Variants in LDLRAD4 observed in about 807,000 individuals in gnomAD.
LDLRAD4 encodes the protein low-density lipoprotein receptor class A domain-containing protein 4.
LDLRAD4 carries 5 observed loss-of-function variants against 17.0 expected under a neutral mutation model. The observed-to-expected ratio is 0.29, with a 90% CI of 0.15 to 0.62. The LOEUF (loss-of-function observed/expected upper bound fraction) is 0.62. Among genes scored for constraint, LDLRAD4 ranks in the 20% least tolerant of loss-of-function variants. The pLI is 0.84. For missense variants in LDLRAD4, 340 were observed against 424.7 expected (o/e 0.80, Z 1.75); for synonymous variants, 168 against 171.8 (o/e 0.98, Z 0.17).
At chr18:13,472,229 A>C (rs2092797510) in intron 3 of LDLRAD4, 1 of 152,326 alleles carries the variant, frequency 6.6e-6, no homozygotes, top group East Asian at 1.9e-4. Flanking sequence ...AAGTCCCTGC[A>C]ACCAGATCAG....
At chr18:13,486,416 C>T (rs1185014043) in intron 3 of LDLRAD4, 1 of 152,152 alleles carries the variant, frequency 6.6e-6, no homozygotes, top group African/African-American at 2.4e-5. Context: ...GAAAGGTTAC[C>T]AATGAGTTTT....
At chr18:13,529,772 A>T (rs1056601860) in intron 3 of LDLRAD4, among the ~76,000 whole-genome samples, 2 of 152,214 alleles carry the variant, frequency 1.3e-5, no homozygotes, top group Admixed American at 1.3e-4. Context: ...CAGCGTTCTG[A>T]TGTCCTTAAA....
intron 1 of LDLRAD4, among the ~76,000 whole-genome samples, chr18:13,222,009 C>T (rs2041479453): frequency 6.6e-6 from 1 of 152,222 alleles, no homozygotes; most frequent in African/African-American, 2.4e-5. Flanking sequence ...AACCCACTAA[C>T]ACTCCGGCAG....
intron 3 of LDLRAD4, chr18:13,489,012 TG>T (rs919704722): frequency 6.6e-6 from 1 of 152,064 alleles, no homozygotes; most frequent in Non-Finnish European, 1.5e-5. Context: ...AAAGAAAGTG[TG>T]GGGGCAGACT....
chr18:13,324,292 C>G (rs1287059430), intron 1 of LDLRAD4, among the ~76,000 whole-genome samples: 1 of 148,438 alleles, frequency 6.7e-6, no homozygotes, highest in Non-Finnish European at 1.5e-5. Context: ...TGCCTGCCAC[C>G]ACACCTGGCT....
At chr18:13,276,909 G>A (rs532540031), upstream of LDLRAD4, among the ~76,000 whole-genome samples, 37 of 152,256 alleles carry the variant, frequency 2.4e-4, no homozygotes, top group African/African-American at 8.2e-4. Flanking sequence ...ATGGACTTCC[G>A]TTCCCAAGAA....
exon 6 of LDLRAD4, chr18:13,649,681 A>G (rs1266918386): frequency 5.6e-6 from 1 of 179,594 alleles, no homozygotes; most frequent in Admixed American, 6.2e-5. Flanking sequence ...TGCTACTTAG[A>G]ATGGCAACAT....
At chr18:13,389,684 C>T (rs2086117812) in intron 2 of LDLRAD4, among the ~76,000 whole-genome samples, 1 of 152,162 alleles carries the variant, frequency 6.6e-6, no homozygotes, top group African/African-American at 2.4e-5. Flanking sequence ...GGGGCCGTCT[C>T]CTCACCCTGC....
At chr18:13,349,980 T>A (rs184066479) in intron 1 of LDLRAD4, among the ~76,000 whole-genome samples, 6 of 152,380 alleles carry the variant, frequency 3.9e-5, no homozygotes, top group Non-Finnish European at 7.3e-5. Context: ...TTTTTATGGC[T>A]GCATAGTATT....
intron 3 of LDLRAD4, among the ~76,000 whole-genome samples, chr18:13,609,528 T>C (rs973971146): frequency 7.2e-5 from 5 of 69,118 alleles, no homozygotes; most frequent in East Asian, 6.2e-4. Flanking sequence ...CGTGTGTGTG[T>C]GCGTGTGTGT....
In LDLRAD4 at chr18:13,220,355, G is replaced by A. The variant is rs547386255; in HGVS notation, c.-467+1367G>A. 9.2e-4 allele frequency among the ~76,000 whole-genome samples: 140 copies of A among 152,298 alleles called. 1 individual carries two copies. The highest frequency in any genetic ancestry group is 3.2e-3 in the African/African-American group (131 of 41,576). On this transcript the variant is annotated intron_variant, in intron 1 of 5. Transcript: ENST00000399848. Reference sequence around the variant, plus strand: ...ACCCTTGGAAGGGCTTGCCATTGTTGGCCATGGTCCTGGTTCGTGTAGGTT... The same window carrying A: ...ACCCTTGGAAGGGCTTGCCATTGTTAGCCATGGTCCTGGTTCGTGTAGGTT...
At chr18:13,284,777 G>A (rs753504115) in intron 1 of LDLRAD4, among the ~76,000 whole-genome samples, 9 of 152,196 alleles carry the variant, frequency 5.9e-5, no homozygotes, top group East Asian at 3.9e-4. Context: ...GCCCCTGCTC[G>A]AGGCCACCCG....
chr18:13,468,042 A>C (rs1224817972), intron 3 of LDLRAD4, among the ~76,000 whole-genome samples: 1 of 152,216 alleles, frequency 6.6e-6, no homozygotes, highest in Admixed American at 6.5e-5. Context: ...TCGTAGGAGA[A>C]AACATAGGGG....
intron 3 of LDLRAD4, among the ~76,000 whole-genome samples, chr18:13,607,864 T>C (rs1313645552): frequency 6.6e-6 from 1 of 152,248 alleles, no homozygotes; most frequent in East Asian, 1.9e-4. Context: ...GTTCGGGTTC[T>C]TTCCAAGTCT....
intron 1 of LDLRAD4, among the ~76,000 whole-genome samples, chr18:13,223,820 A>G (rs1030066709): frequency 6.6e-6 from 1 of 152,178 alleles, no homozygotes; most frequent in Non-Finnish European, 1.5e-5. Context: ...TGCCATCTGC[A>G]TGTTACAGAG....
At chr18:13,420,273 A>T (rs1036869623) in intron 2 of LDLRAD4, 2 of 152,270 alleles carry the variant, frequency 1.3e-5, no homozygotes, top group African/African-American at 4.8e-5. Flanking sequence ...ATAGTGGATT[A>T]TGAATTAGAA....
chr18:13,227,897 A>G (rs2041889948), intron 1 of LDLRAD4, among the ~76,000 whole-genome samples: 1 of 152,208 alleles, frequency 6.6e-6, no homozygotes, highest in South Asian at 2.1e-4. Context: ...TCAAGGTGAG[A>G]TTTGAGTGGG....
At chr18:13,604,157 A>G (rs1192298382) in intron 3 of LDLRAD4, among the ~76,000 whole-genome samples, 1 of 152,242 alleles carries the variant, frequency 6.6e-6, no homozygotes, top group Non-Finnish European at 1.5e-5. Context: ...TATATGCTCC[A>G]GTATAAAACT....
chr18:13,492,443 C>A (rs9966571), intron 3 of LDLRAD4, among the ~76,000 whole-genome samples: 2 of 152,174 alleles, frequency 1.3e-5, no homozygotes, highest in Non-Finnish European at 2.9e-5. Flanking sequence ...TCCCTTCCCC[C>A]CCGGGTCTGA....
Sources: allele counts gnomAD v4.1 joint callset (sites outside exome capture counted in the v4.1 genomes callset), GRCh38; gene constraint gnomAD v4.1.1; transcripts MANE v1.5; gene names NCBI Gene and HGNC (gene_info 2026-07-23, HGNC 2026-07-21).